OCA2: variants seen among roughly 807,000 people sequenced by gnomAD.
The protein encoded by OCA2 is P protein.
OCA2 carries 77 observed loss-of-function variants against 100.2 expected under a neutral mutation model. The observed-to-expected ratio is 0.77, with a 90% CI of 0.64 to 0.93. The LOEUF (loss-of-function observed/expected upper bound fraction) is 0.93. Among genes scored for constraint, OCA2 ranks in the 40% least tolerant of loss-of-function variants. The pLI, the probability that OCA2 is intolerant of heterozygous loss-of-function variation, is 0.00. For missense variants in OCA2, 1,062 were observed against 1,089.1 expected (o/e 0.98, Z 0.35); for synonymous variants, 432 against 439.2 (o/e 0.98, Z 0.21).
chr15:27,868,976 G>A (rs1354793238), intron 21 of OCA2, among the ~76,000 whole-genome samples: 1 of 152,202 alleles, frequency 6.6e-6, no homozygotes, highest in African/African-American at 2.4e-5. Context: ...CACCCACTTC[G>A]CAGATCCCTG....
chr15:27,987,135 C>T (rs966811422), intron 11 of OCA2, among the ~76,000 whole-genome samples: 6 of 152,090 alleles, frequency 3.9e-5, no homozygotes, highest in African/African-American at 1.4e-4. Context: ...ATTTTTGTCA[C>T]CAATTTGAGA....
rs1393466196 is a variant in OCA2 at position 28,026,009 on chromosome 15, A to G, written c.516-1107T>C. On this transcript the variant is annotated intron_variant, in intron 4 of 23. Transcript: ENST00000354638. Reference sequence around the variant, plus strand: ...ATTCAACAGCTCCTACTTAAATAGGAATCAAAATGACATTTCTTTTTAAAG... The same window carrying G: ...ATTCAACAGCTCCTACTTAAATAGGGATCAAAATGACATTTCTTTTTAAAG... Among the ~76,000 whole-genome samples, 10 of 152,242 alleles carry G rather than the reference A, an allele frequency of 6.6e-5. No individual in the cohort carries two copies. In the East Asian group the frequency reaches 1.9e-3, roughly 29 times the overall value.
chr15:27,758,815 G>C (rs1043708811), intron 23 of OCA2, among the ~76,000 whole-genome samples: 7 of 152,000 alleles, frequency 4.6e-5, no homozygotes, highest in Non-Finnish European at 5.9e-5. Flanking sequence ...AAAACAAAAG[G>C]AACCAACCCT....
At chr15:28,031,472 G>A (rs369944048) in intron 3 of OCA2, among the ~76,000 whole-genome samples, 6 of 152,324 alleles carry the variant, frequency 3.9e-5, no homozygotes, top group African/African-American at 1.4e-4. Flanking sequence ...CTTCATCCCA[G>A]AAGGAAGCAT....
At chr15:28,027,760 G>T in intron 4 of OCA2, 111 bp downstream of exon 4, 1 of 1,176,398 alleles carries the variant, frequency 8.5e-7, no homozygotes. Context: ...GGCCAGATGA[G>T]ACAAAACTCA....
chr15:27,829,536 G>A (rs2034872041), intron 23 of OCA2, among the ~76,000 whole-genome samples: 1 of 152,104 alleles, frequency 6.6e-6, no homozygotes, highest in Non-Finnish European at 1.5e-5. Context: ...CAGTGACAAG[G>A]GCCACAGACA....
chr15:28,066,887 G>A (rs546058627), intron 2 of OCA2, among the ~76,000 whole-genome samples: 18 of 152,256 alleles, frequency 1.2e-4, no homozygotes, highest in Middle Eastern at 6.8e-3. Flanking sequence ...CATGGCTTTA[G>A]ATAATAACTT....
chr15:27,925,328 C>T (rs77753172), intron 19 of OCA2, among the ~76,000 whole-genome samples: 1,910 of 152,196 alleles, frequency 0.013, 47 homozygotes, highest in African/African-American at 0.043. Context: ...AAATGCTAGA[C>T]CGTAAAACAA....
intron 18 of OCA2, among the ~76,000 whole-genome samples, chr15:27,934,216 G>C (rs1460577443): frequency 3.3e-5 from 5 of 152,104 alleles, no homozygotes; most frequent in South Asian, 2.1e-4. Flanking sequence ...AGCATGTGAA[G>C]GGCAGACCAT....
chr15:27,774,396 C>T (rs2032069808), intron 23 of OCA2, among the ~76,000 whole-genome samples: 2 of 152,240 alleles, frequency 1.3e-5, no homozygotes, highest in Admixed American at 1.3e-4. Flanking sequence ...GCCTGGCCAC[C>T]CAGCATCATT....
intron 2 of OCA2, among the ~76,000 whole-genome samples, chr15:28,069,130 C>T (rs2044114137): frequency 1.3e-5 from 2 of 152,078 alleles, no homozygotes; most frequent in South Asian, 4.2e-4. Context: ...GCCATCCAAA[C>T]AAGAAAAGAG....
At position 28,014,765 on chromosome 15, in the gene OCA2, G is replaced by T; in HGVS notation, c.1044+11C>A. On this transcript the variant is annotated intron_variant, in intron 9 of 23. Transcript: ENST00000354638. ...GCCCAGACAGATCGGGGGAGCAGGT[G>T]TGAAAGTTACCTCAAATATGATCAG... 6.2e-7 allele frequency: 1 copy of T among 1,611,334 alleles called. No homozygotes were observed.
intron 2 of OCA2, among the ~76,000 whole-genome samples, chr15:28,033,350 T>A (rs2042961522): frequency 3.3e-5 from 5 of 152,234 alleles, no homozygotes; most frequent in Admixed American, 3.3e-4. Context: ...GAAATAACAG[T>A]AATTCTTTCT....
At chr15:27,729,429 C>T in the OCA2 span, among the ~76,000 whole-genome samples, 1 of 151,694 alleles carries the variant, frequency 6.6e-6, no homozygotes, top group Non-Finnish European at 1.5e-5. Context: ...TACAGCAAAT[C>T]TCACTTCCCG....
intron 11 of OCA2, among the ~76,000 whole-genome samples, chr15:27,987,407 A>G (rs1294752238): frequency 2.2e-4 from 33 of 152,138 alleles, no homozygotes; most frequent in Admixed American, 2.2e-3. Flanking sequence ...TCAGATCCTG[A>G]TTCTGCCACT....
chr15:27,985,110 A>C lies in OCA2; in HGVS notation c.1318T>G (p.Leu440Val). 6.2e-7 allele frequency: 1 copy of C among 1,614,060 alleles called. No homozygotes were observed. Among genetic ancestry groups the C allele is most frequent in the African/African-American group, 1.3e-5 (1 of 75,058 alleles). The change falls in exon 13 of 24, where the codon TTG becomes GTG. Residue 440 changes from leucine to valine, a missense_variant. Physicochemically the swap from Leu to Val is conservative, Grantham distance 32. Transcript: ENST00000354638. ...CLIAAVLSAF[L>V]DNVTTMLLFT... is the part of the protein sequence containing the mutation. ...AGGAGCATGGTGGTGACGTTGTCCAAGAAGGCAGAGAGGACGGCCGCGATG... is the reference window on the plus strand; with the variant it reads ...AGGAGCATGGTGGTGACGTTGTCCACGAAGGCAGAGAGGACGGCCGCGATG...
At chr15:27,722,831 T>TC in the OCA2 span, among the ~76,000 whole-genome samples, 1 of 150,236 alleles carries the variant, frequency 6.7e-6, no homozygotes, top group African/African-American at 2.5e-5. Flanking sequence ...TCTCTCTCTC[T>TC]TTCTCTCTTT....
chr15:28,086,420 TG>T (rs929705429), intron 1 of OCA2, among the ~76,000 whole-genome samples: 12 of 152,196 alleles, frequency 7.9e-5, no homozygotes, highest in Middle Eastern at 3.2e-3. Context: ...TTCCCCATCT[TG>T]GGGAACCTGA....
At chr15:28,081,938 T>C (rs2044646892) in intron 1 of OCA2, 43 bp from the exon 2 acceptor site, 2 of 1,488,304 alleles carry the variant, frequency 1.3e-6, no homozygotes, top group South Asian at 1.2e-5. Context: ...AAAGGCACAC[T>C]GAGACTAACG....
Sources: allele counts gnomAD v4.1 joint callset (sites outside exome capture counted in the v4.1 genomes callset), GRCh38; gene constraint gnomAD v4.1.1; transcripts MANE v1.5; gene names NCBI Gene and HGNC (gene_info 2026-07-23, HGNC 2026-07-21).